Variants in PPOX observed in about 807,000 individuals in gnomAD.
PPOX encodes the protein protoporphyrinogen oxidase, also known as variegate porphyria.
A neutral mutation model predicts 54.1 loss-of-function variants in PPOX; 23 were observed. The ratio of observed to expected loss-of-function variants is 0.43; its 90% CI spans 0.31 to 0.60. PPOX has a LOEUF of 0.60. Among genes scored for constraint, PPOX ranks in the 20% least tolerant of loss-of-function variants. PPOX has a pLI of 0.13. For missense variants in PPOX, 512 were observed against 601.1 expected, an observed-to-expected ratio of 0.85 and a Z score of 1.55; for synonymous variants, 224 against 236.1, an observed-to-expected ratio of 0.95 and a Z score of 0.47.
intron 7 of PPOX, 187 bp downstream of exon 7, chr1:161,169,370 T>C: frequency 1.3e-6 from 1 of 753,364 alleles, no homozygotes; most frequent in South Asian, 1.8e-5. Context: ...CCTATGCAAG[T>C]CTGTGGATAG....
At chr1:161,176,580 C>A in intron 4 of PPOX, 2 of 504,532 alleles carry the variant, frequency 4.0e-6, no homozygotes. Context: ...CTGGGACCAG[C>A]TGGAACAGAA....
At chr1:161,167,906 G>A (rs1659694808) in intron 4 of PPOX, 89 bp from the exon 5 acceptor site, 2 of 1,600,174 alleles carry the variant, frequency 1.2e-6, no homozygotes, top group African/African-American at 1.3e-5. Context: ...CCCAGCAAAA[G>A]GAAGCCAAAT....
chr1:161,170,321 T>TCCTC, intron 9 of PPOX, 88 bp from the exon 10 acceptor site: 2 of 367,764 alleles, frequency 5.4e-6, no homozygotes, highest in Non-Finnish European at 1.1e-5. Flanking sequence ...TGAGACTCTG[T>TCCTC]CCCCCCCACC....
intron 3 of PPOX, 29 bp downstream of exon 3, chr1:161,167,263 G>C: frequency 6.2e-7 from 1 of 1,614,184 alleles, no homozygotes; most frequent in African/African-American, 1.3e-5. Flanking sequence ...GTCTAGGAGA[G>C]GTTGTGGAGG....
downstream of PPOX, chr1:161,171,616 A>G: frequency 1.5e-6 from 1 of 675,370 alleles, no homozygotes; most frequent in Non-Finnish European, 2.5e-6. Context: ...TAAGCCCTAC[A>G]GGAGACCCTA....
intron 7 of PPOX, 91 bp downstream of exon 7, chr1:161,169,274 T>C: frequency 6.8e-7 from 1 of 1,467,290 alleles, no homozygotes; most frequent in East Asian, 2.3e-5. Flanking sequence ...GGACTGGAGT[T>C]CCTCATTGTT....
chr1:161,175,986 G>A (rs1164719315), downstream of PPOX: 3 of 1,613,976 alleles, frequency 1.9e-6, no homozygotes, highest in Admixed American at 3.3e-5. Flanking sequence ...CCAGTGACAG[G>A]TACATCATGA....
chr1:161,170,583 C>T, intron 10 of PPOX, 37 bp from the exon 11 acceptor site: 1 of 1,614,214 alleles, frequency 6.2e-7, no homozygotes, highest in Non-Finnish European at 8.5e-7. Flanking sequence ...CCATTGTAGG[C>T]AAGGCCAGAC....
chr1:161,169,733 C>T lies in PPOX; in HGVS notation c.868+13C>T. ...ATTCCAGCTTCAGGTAATGGAATAGCCACCTTCCCCTTCCCCAACCCCTAC... is the reference window on the plus strand; with the variant it reads ...ATTCCAGCTTCAGGTAATGGAATAGTCACCTTCCCCTTCCCCAACCCCTAC... On this transcript the variant is annotated intron_variant, in intron 8 of 12. Transcript: ENST00000367999. The T allele has an allele frequency of 6.2e-7, 1 of 1,614,082 alleles. No individual in the cohort carries two copies. Among genetic ancestry groups the T allele is most frequent in the Non-Finnish European group, 8.5e-7 (1 of 1,179,938 alleles).
At chr1:161,171,995 A>G, downstream of PPOX, 1 of 1,614,120 alleles carries the variant, frequency 6.2e-7, no homozygotes, top group Non-Finnish European at 8.5e-7. Flanking sequence ...ATGTTGGTAT[A>G]AAGAGGCCCC....
At chr1:161,167,276 G>C in intron 3 of PPOX, 42 bp downstream of exon 3, 1 of 1,614,130 alleles carries the variant, frequency 6.2e-7, no homozygotes, top group Non-Finnish European at 8.5e-7. Flanking sequence ...TGTGGAGGGG[G>C]CTTCCATTGG....
downstream of PPOX, chr1:161,177,582 C>G (rs896034253): frequency 6.3e-6 from 1 of 158,932 alleles, no homozygotes; most frequent in African/African-American, 2.4e-5. Flanking sequence ...TCCCAGACAC[C>G]GCGTGGCCGG....
upstream of PPOX, chr1:161,166,314 T>C: frequency 9.8e-7 from 1 of 1,022,576 alleles, no homozygotes; most frequent in Non-Finnish European, 1.2e-6. Flanking sequence ...CTGCCGTCGC[T>C]CCGCCTCTGC....
chr1:161,169,304 T>G, intron 7 of PPOX, 121 bp downstream of exon 7: 1 of 1,212,390 alleles, frequency 8.2e-7, no homozygotes. Flanking sequence ...TAGAAGCTAC[T>G]TAGACATGGG....
Position 161,171,113 on chromosome 1 carries a change from T to C in PPOX, c.1371T>C (p.Asn457=), listed in dbSNP as rs1416178373. 2 of 1,613,930 alleles carry C rather than the reference T, an allele frequency of 1.2e-6. No homozygotes were observed. The highest frequency in any genetic ancestry group is 4.5e-5 in the East Asian group (2 of 44,894). ...CCTCCTATGAGGGAGTTGCTGTTAA[T>C]GACTGTATAGAGAGTGGGCGCCAGG... ...AGASYEGVAV[N]DCIESGRQAA... The change falls in exon 13 of 13, where the codon AAT becomes AAC. Residue 457 remains asparagine, a synonymous_variant. Transcript: ENST00000367999.
downstream of PPOX, chr1:161,175,290 G>A (rs1434930448): frequency 1.4e-6 from 2 of 1,467,180 alleles, no homozygotes; most frequent in Non-Finnish European, 1.9e-6. Flanking sequence ...ATCAAACTAG[G>A]GTTTGGGAAT....
downstream of PPOX, chr1:161,175,775 T>C (rs765792147): frequency 1.2e-6 from 2 of 1,606,858 alleles, no homozygotes; most frequent in Non-Finnish European, 1.7e-6. Context: ...CACCTTGTCC[T>C]TCCTTTCACC....
At position 161,166,919 on chromosome 1, in the gene PPOX, C is replaced by G; in HGVS notation, c.72C>G (p.Ala24=). The part of the protein sequence containing the change: ...GLAASYHLSR[A]PCPPKVVLVE... ...CCGCCAGTTACCACCTGAGCCGGGC[C>G]CCCTGCCCCCCTAAGGTGAGTGCTC... Residue 24 remains alanine, a synonymous_variant, in exon 2 of 13, where the codon GCC becomes GCG. Coordinates refer to ENST00000367999, the MANE Select transcript of PPOX (RefSeq NM_001122764.3). 6.2e-7 allele frequency: 1 copy of G among 1,613,952 alleles called. No individual in the cohort carries two copies. The highest frequency in any genetic ancestry group is 8.5e-7 in the Non-Finnish European group (1 of 1,180,032).
At chr1:161,171,498 C>G, downstream of PPOX, 1 of 580,456 alleles carries the variant, frequency 1.7e-6, no homozygotes. Context: ...GATCACTCTT[C>G]TCTCCATGGA....
Sources: allele counts gnomAD v4.1 joint callset, GRCh38; gene constraint gnomAD v4.1.1; transcripts MANE v1.5; gene names NCBI Gene and HGNC (gene_info 2026-07-23, HGNC 2026-07-21).